Variants in DGKH observed in about 807,000 individuals in gnomAD.
DGKH encodes diacylglycerol kinase eta, also known as DAG kinase eta.
DGKH carries 90 observed loss-of-function variants against 159.3 expected under a neutral mutation model. The observed-to-expected ratio is 0.57, with a 90% CI of 0.48 to 0.67. The LOEUF is 0.67. Among genes scored for constraint, DGKH ranks in the 30% least tolerant of loss-of-function variants. The pLI is 0.00. For synonymous variants in DGKH, 536 were observed against 553.8 expected (o/e 0.97, Z 0.45); for missense variants, 1,181 against 1,506.1 (o/e 0.78, Z 3.57).
chr13:42,220,589 C>A (rs1957941860), intron 28 of DGKH, among the ~76,000 whole-genome samples: 1 of 152,204 alleles, frequency 6.6e-6, no homozygotes, highest in East Asian at 1.9e-4. Flanking sequence ...CATTTAAAAA[C>A]CAAATACAGC....
chr13:42,065,239 G>A (rs1010992467), intron 1 of DGKH, among the ~76,000 whole-genome samples: 2 of 152,182 alleles, frequency 1.3e-5, no homozygotes, highest in African/African-American at 2.4e-5. Flanking sequence ...AGAACTGTTT[G>A]TAAACCTTTT....
chr13:42,131,912 C>A (rs1378410951), intron 3 of DGKH, among the ~76,000 whole-genome samples: 1 of 152,210 alleles, frequency 6.6e-6, no homozygotes, highest in African/African-American at 2.4e-5. Flanking sequence ...AAATGCAGAG[C>A]TTCTGATGAA....
chr13:42,104,736 C>T (rs1489951804), intron 1 of DGKH, among the ~76,000 whole-genome samples: 5 of 152,156 alleles, frequency 3.3e-5, no homozygotes, highest in African/African-American at 7.2e-5. Flanking sequence ...ACAAAAATTT[C>T]TCTCTGCTCT....
At chr13:42,097,473 T>G (rs1954564420) in intron 1 of DGKH, among the ~76,000 whole-genome samples, 1 of 152,208 alleles carries the variant, frequency 6.6e-6, no homozygotes. Context: ...TAACCCCTGT[T>G]ATCAGCATTT....
At chr13:42,069,751 G>T in intron 1 of DGKH, 1 of 1,120,856 alleles carries the variant, frequency 8.9e-7, no homozygotes, top group Non-Finnish European at 1.3e-6. Flanking sequence ...TCATGACCTC[G>T]TTTTGTAATT....
chr13:42,149,054 C>T (rs1480890271), intron 3 of DGKH, among the ~76,000 whole-genome samples: 1 of 151,172 alleles, frequency 6.6e-6, no homozygotes, highest in African/African-American at 2.4e-5. Context: ...AGGTGATCCT[C>T]CTGCTCCGGC....
chr13:42,041,932 G>C (rs1311554291), intron 1 of DGKH, among the ~76,000 whole-genome samples: 1 of 152,184 alleles, frequency 6.6e-6, no homozygotes, highest in Non-Finnish European at 1.5e-5. Context: ...GTTGAGAGCC[G>C]CTAGGTCAGG....
chr13:42,192,353 T>C (rs1957094832), intron 16 of DGKH, among the ~76,000 whole-genome samples: 1 of 152,204 alleles, frequency 6.6e-6, no homozygotes, highest in African/African-American at 2.4e-5. Flanking sequence ...TTCTTTATAT[T>C]GGGCTTTCTA....
At chr13:42,157,181 A>G in intron 5 of DGKH, among the ~76,000 whole-genome samples, 1 of 152,150 alleles carries the variant, frequency 6.6e-6, no homozygotes, top group East Asian at 1.9e-4. Flanking sequence ...TGCAAAAGAG[A>G]TCTGATTGGC....
At chr13:42,254,698 G>A (rs1004252313) in intron 30 of DGKH, among the ~76,000 whole-genome samples, 2 of 151,606 alleles carry the variant, frequency 1.3e-5, no homozygotes, top group East Asian at 1.9e-4. Flanking sequence ...ACAATATAAC[G>A]TATTAAGTAA....
intron 5 of DGKH, 129 bp downstream of exon 5, chr13:42,155,928 A>G: frequency 9.2e-7 from 1 of 1,090,290 alleles, no homozygotes; most frequent in Non-Finnish European, 1.3e-6. Context: ...ATTTTTGCTC[A>G]GGAAAAAAAA....
intron 1 of DGKH, among the ~76,000 whole-genome samples, chr13:42,078,909 CTTTTTTTTTTTTT>C (rs55801562): frequency 3.2e-5 from 3 of 93,570 alleles, no homozygotes; most frequent in East Asian, 5.9e-4. Context: ...GTATATTCTC[CTTTTTTTTTTTTT>C]TTTTTTTTTT....
At position 42,214,366 on chromosome 13, in the gene DGKH, A is replaced by G. The variant is rs1370615983; in HGVS notation, c.3015-141A>G. On this transcript the variant is annotated intron_variant, in intron 24 of 29. Coordinates refer to ENST00000337343, the MANE Select transcript of DGKH (RefSeq NM_178009.5). Reference sequence around the variant, plus strand: ...TATAGATCTACCTGTGCCATTCATAATTGAGCAGCCATTAAAAGTGTTCTT... The same window carrying G: ...TATAGATCTACCTGTGCCATTCATAGTTGAGCAGCCATTAAAAGTGTTCTT... 6 of 620,300 alleles carry G rather than the reference A, an allele frequency of 9.7e-6. No homozygotes were observed. In the Admixed American group the frequency reaches 2.1e-4, roughly 22 times the overall value. The allele number at this position is 620,300 out of a possible 1,614,324, so 38.4% of individuals were successfully genotyped here. A position where few individuals can be genotyped will look rare whatever the true frequency, so the allele number is the denominator to read the frequency against.
Position 42,240,279 on chromosome 13 carries a change from G to T in DGKH, c.*11091G>T, listed in dbSNP as rs1388322169. The T allele has an allele frequency of 6.6e-6, 1 of 152,176 alleles. No individual in the cohort carries two copies. Among genetic ancestry groups the T allele is most frequent in the East Asian group, 1.9e-4 (1 of 5,196 alleles). The allele number at this position is 152,176 out of a possible 1,614,324, so 9.4% of individuals were successfully genotyped here. A position where few individuals can be genotyped will look rare whatever the true frequency, so the allele number is the denominator to read the frequency against. On this transcript the variant is annotated 3_prime_UTR_variant, in exon 30 of 30. Coordinates refer to ENST00000337343, the MANE Select transcript of DGKH (RefSeq NM_178009.5). ...GCATTCATGAGCATGTGTGCACTCT[G>T]GGCAAACCAACAGAAGATAAACAGC...
chr13:42,075,703 A>G (rs1402656756), intron 1 of DGKH, among the ~76,000 whole-genome samples: 1 of 152,170 alleles, frequency 6.6e-6, no homozygotes, highest in Non-Finnish European at 1.5e-5. Context: ...TCATGCCATG[A>G]TGGATGTTCA....
chr13:42,217,503 A>G (rs988597261), intron 26 of DGKH, among the ~76,000 whole-genome samples: 1 of 151,888 alleles, frequency 6.6e-6, no homozygotes, highest in South Asian at 2.1e-4. Flanking sequence ...TCGGCCTCCC[A>G]GAGTGCTGGG....
intron 11 of DGKH, 78 bp from the exon 12 acceptor site, chr13:42,173,982 T>A: frequency 1.2e-6 from 1 of 811,536 alleles, no homozygotes; most frequent in Non-Finnish European, 2.1e-6. Flanking sequence ...TGTGTGTGTG[T>A]GCGCGTTTAT....
chr13:42,057,748 G>A (rs1881867870), intron 1 of DGKH, among the ~76,000 whole-genome samples: 1 of 152,152 alleles, frequency 6.6e-6, no homozygotes, highest in African/African-American at 2.4e-5. Context: ...TTAATGCAAG[G>A]AGAATTTATG....
chr13:42,173,417 A>G (rs1956513490), intron 11 of DGKH, among the ~76,000 whole-genome samples: 1 of 152,224 alleles, frequency 6.6e-6, no homozygotes. Context: ...TTTGCTTTGA[A>G]ATTAATACTT....
Sources: allele counts gnomAD v4.1 joint callset (sites outside exome capture counted in the v4.1 genomes callset), GRCh38; gene constraint gnomAD v4.1.1; transcripts MANE v1.5; gene names NCBI Gene and HGNC (gene_info 2026-07-23, HGNC 2026-07-21).